The following HPR variants were observed in gnomAD, a reference collection of about 807,000 sequenced individuals.
HPR encodes the protein haptoglobin-related protein, also known as Haptoglobin-related locus.
Under a neutral mutation model 18.5 loss-of-function variants are expected in HPR, and 17 were observed. That is an observed-to-expected ratio of 0.92 (90% CI 0.63 to 1.38). HPR has a LOEUF of 1.38. Ranked by LOEUF, HPR falls within the 40% of genes most tolerant of loss-of-function variation. The pLI is 0.00. For synonymous variants in HPR, 176 were observed against 165.0 expected, an observed-to-expected ratio of 1.07 and a Z score of -0.51; for missense variants, 457 against 432.4, an observed-to-expected ratio of 1.06 and a Z score of -0.51.
Position 72,076,695 on chromosome 16 carries a change from G to T in HPR, c.661G>T (p.Gly221Cys), listed in dbSNP as rs201950483. ...SKNYAEVGRVGYVSGWGQSDN... is the reference protein window; with the variant it reads ...SKNYAEVGRVCYVSGWGQSDN... ...GAATTATGCAGAAGTAGGGCGTGTG[G>T]GTTACGTGTCTGGCTGGGGACAAAG... Residue 221 changes from glycine (G) to cysteine (C), a missense_variant, in exon 5 of 5, where the codon GGT (glycine) becomes TGT (cysteine). Transcript: ENST00000540303. 200 of 1,614,070 alleles carry T rather than the reference G, an allele frequency of 1.2e-4. 1 individual carries two copies. The highest frequency in any genetic ancestry group is 1.6e-4 in the Middle Eastern group (1 of 6,084).
chr16:72,072,768 C>T (rs2041671215), intron 1 of HPR, among the ~76,000 whole-genome samples: 1 of 152,126 alleles, frequency 6.6e-6, no homozygotes, highest in African/African-American at 2.4e-5. Flanking sequence ...TTCCAGTGAG[C>T]TTTTTCTTTT....
At chr16:72,063,653 G>C (rs2041566196) in intron 1 of HPR, among the ~76,000 whole-genome samples, 1 of 152,026 alleles carries the variant, frequency 6.6e-6, no homozygotes, top group Non-Finnish European at 1.5e-5. Context: ...ACTAGTACTT[G>C]GGATACACAC....
chr16:72,073,753 C>T lies in HPR; in HGVS notation c.6-139C>T, dbSNP rs759743768. ...ATATATTGATTTTCTTTTCTGGCTG[C>T]TTAGTGGGAGGAGTGTGTGTGTATG... On this transcript the variant is annotated intron_variant, in intron 1 of 4. Transcript: ENST00000540303. The T allele has an allele frequency of 4.5e-5, 71 of 1,578,230 alleles. No individual in the cohort carries two copies. In the Admixed American group the frequency reaches 1.2e-3, roughly 27 times the overall value.
At chr16:72,063,849 TCTC>T (rs1368309937) in intron 1 of HPR, among the ~76,000 whole-genome samples, 1 of 151,952 alleles carries the variant, frequency 6.6e-6, no homozygotes, top group Non-Finnish European at 1.5e-5. Flanking sequence ...TTCAAGCAAT[TCTC>T]CTGCCTCAGC....
At chr16:72,063,846 A>T (rs2041568480) in intron 1 of HPR, among the ~76,000 whole-genome samples, 2 of 151,894 alleles carry the variant, frequency 1.3e-5, no homozygotes, top group South Asian at 4.2e-4. Context: ...CGGTTCAAGC[A>T]ATTCTCCTGC....
At chr16:72,067,612 C>T (rs1242152135) in intron 1 of HPR, among the ~76,000 whole-genome samples, 2 of 152,162 alleles carry the variant, frequency 1.3e-5, no homozygotes, top group Admixed American at 6.5e-5. Flanking sequence ...GCTTCGAATT[C>T]TCCCAATCCA....
intron 1 of HPR, among the ~76,000 whole-genome samples, chr16:72,070,208 C>T (rs1448871119): frequency 1.3e-5 from 2 of 152,170 alleles, no homozygotes; most frequent in Non-Finnish European, 2.9e-5. Context: ...CTGGCCTTTC[C>T]CCTTATGAGA....
At chr16:72,073,213 T>C (rs1014103017) in intron 1 of HPR, among the ~76,000 whole-genome samples, 2 of 152,158 alleles carry the variant, frequency 1.3e-5, no homozygotes. Context: ...ACAAGCTGCG[T>C]TAGACATAAA....
intron 1 of HPR, among the ~76,000 whole-genome samples, chr16:72,069,526 T>G (rs1453348310): frequency 6.6e-6 from 1 of 152,092 alleles, no homozygotes; most frequent in African/African-American, 2.4e-5. Context: ...AAGACCAGAA[T>G]GAAAACGGCT....
At position 72,069,021 on chromosome 16, in the gene HPR, C is replaced by T. The variant is rs1010210531; in HGVS notation, c.6-4871C>T. On this transcript the variant is annotated intron_variant, in intron 1 of 4. Coordinates refer to ENST00000540303, the MANE Select transcript of HPR (RefSeq NM_020995.4). ...AGCTGATTGAGGGAAAAAGACACAA[C>T]GGGTATCCAGTAATCGATGGAGAAA... is the stretch of plus-strand genomic sequence containing the variant. Among the ~76,000 whole-genome samples, 9 of 152,248 alleles carry T rather than the reference C, an allele frequency of 5.9e-5. 1 individual carries two copies. The East Asian group carries it at 9.7e-4, about 16-fold the overall frequency.
chr16:72,074,221 T>A, intron 2 of HPR, 63 bp from the exon 3 acceptor site: 1 of 1,495,698 alleles, frequency 6.7e-7, no homozygotes, highest in Non-Finnish European at 9.3e-7. Flanking sequence ...CTCATCTGAC[T>A]TTTCATGGGT....
intron 1 of HPR, among the ~76,000 whole-genome samples, chr16:72,067,051 G>A (rs549891257): frequency 8.7e-4 from 133 of 152,254 alleles, no homozygotes; most frequent in Non-Finnish European, 1.7e-3. Context: ...AACTGAGAGA[G>A]GGGAAGGACA....
Position 72,076,701 on chromosome 16 carries a change from G to A in HPR, c.667G>A (p.Val223Met), listed in dbSNP as rs761265530. The A allele has an allele frequency of 1.6e-5, 26 of 1,614,088 alleles. No homozygotes were observed. The highest frequency in any genetic ancestry group is 3.3e-4 in the Middle Eastern group (2 of 6,084). The change falls in exon 5 of 5, where the codon GTG becomes ATG. Residue 223 changes from valine to methionine, a missense_variant. Transcript: ENST00000540303. The part of the protein sequence containing the change: ...NYAEVGRVGY[V>M]SGWGQSDNFK... ...TGCAGAAGTAGGGCGTGTGGGTTAC[G>A]TGTCTGGCTGGGGACAAAGTGACAA...
chr16:72,070,562 C>T (rs1438264239), intron 1 of HPR, among the ~76,000 whole-genome samples: 11 of 152,190 alleles, frequency 7.2e-5, no homozygotes, highest in Non-Finnish European at 8.8e-5. Context: ...GATCATAAAC[C>T]GTCACTCCAG....
At chr16:72,068,309 G>T (rs1255187682) in intron 1 of HPR, among the ~76,000 whole-genome samples, 1 of 152,180 alleles carries the variant, frequency 6.6e-6, no homozygotes, top group Non-Finnish European at 1.5e-5. Context: ...GCAAGCGAAG[G>T]ATAGGGCCTG....
intron 1 of HPR, among the ~76,000 whole-genome samples, chr16:72,071,914 A>C (rs1330798647): frequency 6.6e-6 from 1 of 152,212 alleles, no homozygotes; most frequent in Non-Finnish European, 1.5e-5. Flanking sequence ...TTTAAGGCCC[A>C]AAATCAGACA....
In HPR at chr16:72,073,964, C is replaced by T; in HGVS notation, c.78C>T (p.Val26=). Reference sequence around the variant, plus strand: ...TTGCACTGTACTCAGGCAATGATGTCACGGATATTTCAGGTCAGTCTTTGA... The same window carrying T: ...TTGCACTGTACTCAGGCAATGATGTTACGGATATTTCAGGTCAGTCTTTGA... ...QLFALYSGND[V]TDISDDRFPK... is the part of the protein sequence containing the mutation. Residue 26 remains valine (V), a synonymous_variant, in exon 2 of 5, where the codon GTC becomes GTT. Coordinates refer to ENST00000540303, the MANE Select transcript of HPR (RefSeq NM_020995.4). 1 of 1,614,066 alleles carries T rather than the reference C, an allele frequency of 6.2e-7. No individual in the cohort carries two copies.
At position 72,065,089 on chromosome 16, in the gene HPR, T is replaced by G. The variant is rs540627166; in HGVS notation, c.5+1829T>G. Reference sequence around the variant, plus strand: ...TGAATGGTAACAAGTGCTACTGCTGTGTGGAGTGAATGAGTCCAATCTGTG... The same window carrying G: ...TGAATGGTAACAAGTGCTACTGCTGGGTGGAGTGAATGAGTCCAATCTGTG... On this transcript the variant is annotated intron_variant, in intron 1 of 4. Coordinates refer to ENST00000540303, the MANE Select transcript of HPR (RefSeq NM_020995.4). Among the ~76,000 whole-genome samples the G allele has an allele frequency of 2.6e-5, 4 of 152,282 alleles. No homozygotes were observed. The South Asian group carries it at 8.3e-4, about 32-fold the overall frequency.
At chr16:72,072,874 T>C (rs1416829377) in intron 1 of HPR, among the ~76,000 whole-genome samples, 2 of 152,206 alleles carry the variant, frequency 1.3e-5, no homozygotes, top group African/African-American at 4.8e-5. Flanking sequence ...TTAAATACAG[T>C]AAGAAATTCT....
Sources: allele counts gnomAD v4.1 joint callset (sites outside exome capture counted in the v4.1 genomes callset), GRCh38; gene constraint gnomAD v4.1.1; transcripts MANE v1.5; gene names NCBI Gene and HGNC (gene_info 2026-07-23, HGNC 2026-07-21).